Variants in KLC1 observed in about 807,000 individuals in gnomAD.
KLC1 encodes kinesin light chain 1.
A neutral mutation model predicts 84.2 loss-of-function variants in KLC1; 30 were observed. The observed-to-expected ratio is 0.36, with a 90% CI of 0.27 to 0.48. The LOEUF (loss-of-function observed/expected upper bound fraction) is 0.48, where lower values mean the gene tolerates loss of function less well. KLC1 is among the 20% of genes least tolerant of loss of function. The pLI is 0.99. For missense variants in KLC1, 499 were observed against 805.4 expected, an observed-to-expected ratio of 0.62 and a Z score of 4.60; for synonymous variants, 289 against 293.3, an observed-to-expected ratio of 0.99 and a Z score of 0.15.
intron 9 of KLC1, among the ~76,000 whole-genome samples, chr14:103,673,675 G>T (rs1224526500): frequency 2.0e-5 from 3 of 152,174 alleles, no homozygotes; most frequent in Admixed American, 2.0e-4. Context: ...TGTAATTCCA[G>T]CACTTTGGGA....
chr14:103,637,821 CT>C (rs1314812317), intron 1 of KLC1, among the ~76,000 whole-genome samples: 1 of 152,154 alleles, frequency 6.6e-6, no homozygotes, highest in African/African-American at 2.4e-5. Context: ...ACCTCAGCCC[CT>C]GAAGTAGCTG....
chr14:103,653,147 T>G (rs781266709), intron 1 of KLC1, among the ~76,000 whole-genome samples: 10 of 152,226 alleles, frequency 6.6e-5, no homozygotes, highest in East Asian at 1.9e-4. Flanking sequence ...TTTCTTTTTT[T>G]GGGAATTTTT....
chr14:103,697,041 CCT>C lies in KLC1; in HGVS notation c.1849-3611_1849-3610del, dbSNP rs758542032. The stretch of plus-strand genomic sequence containing the variant: ...AGGCGTGTTTTCTCTGTTAAATGTA[CCT>C]CTGTCTTTAAGCTGTCTCATTTTCT... On this transcript the variant is annotated intron_variant, in intron 15 of 16. Coordinates refer to ENST00000334553, the MANE Select transcript of KLC1 (RefSeq NM_001394837.1). 22 of 985,452 alleles carry C rather than the reference CCT, an allele frequency of 2.2e-5. No individual in the cohort carries two copies. In the South Asian group the frequency reaches 4.7e-4, roughly 21 times the overall value. The allele number at this position is 985,452 out of a possible 1,614,324, so 61.0% of individuals were successfully genotyped here.
chr14:103,692,239 C>A, intron 14 of KLC1, 120 bp from the exon 15 acceptor site: 1 of 846,668 alleles, frequency 1.2e-6, no homozygotes, highest in South Asian at 1.6e-5. Flanking sequence ...AAGATGAAGG[C>A]AAGGTCCCTA....
chr14:103,698,388 G>A (rs2082754982), intron 15 of KLC1: 1 of 288,584 alleles, frequency 3.5e-6, no homozygotes, highest in South Asian at 3.3e-5. Flanking sequence ...ACGGTCCCAA[G>A]GCTGAGGGGG....
Position 103,693,466 on chromosome 14 carries a change from T to A in KLC1, c.1848+1041T>A. ...GCCAACCTAGATTTAGCTGTGCAGC[T>A]GGTACTGTTAGGCCTGAGGCCATTT... On this transcript the variant is annotated intron_variant, in intron 15 of 16. Transcript: ENST00000334553. This position sits in a 1 kb window ranked among gnomAD's most constrained non-coding sequence, Gnocchi z 5.1. The A allele has an allele frequency of 6.6e-7, 1 of 1,526,478 alleles. No homozygotes were observed. Among genetic ancestry groups the A allele is most frequent in the Non-Finnish European group, 8.8e-7 (1 of 1,141,576 alleles). The allele number at this position is 1,526,478 out of a possible 1,614,324, so 94.6% of individuals were successfully genotyped here.
chr14:103,681,147 G>T (rs960195092), intron 13 of KLC1, among the ~76,000 whole-genome samples: 1 of 152,182 alleles, frequency 6.6e-6, no homozygotes, highest in African/African-American at 2.4e-5. Context: ...TGTGCAGGCT[G>T]TGTATCTGGT....
At chr14:103,636,589 T>C (rs1250265169) in intron 1 of KLC1, among the ~76,000 whole-genome samples, 2 of 152,124 alleles carry the variant, frequency 1.3e-5, no homozygotes, top group Non-Finnish European at 2.9e-5. Flanking sequence ...AATGTGCATT[T>C]CACTGATGAC....
Position 103,687,156 on chromosome 14 carries a change from C to A in KLC1, c.1726C>A (p.Leu576Met), listed in dbSNP as rs1412346742. 1 of 1,549,150 alleles carries A rather than the reference C, an allele frequency of 6.5e-7. No homozygotes were observed. Among genetic ancestry groups the A allele is most frequent in the Non-Finnish European group, 8.7e-7 (1 of 1,145,256 alleles). ...RASIRRSSEK[L>M]VRKLKGGSSR... is the part of the protein sequence containing the mutation. Reference sequence around the variant, plus strand: ...TTCCATTAGACGCAGCAGTGAGAAGCTGGTTAGGAAGCTGAAGGGAGGAAG... The same window carrying A: ...TTCCATTAGACGCAGCAGTGAGAAGATGGTTAGGAAGCTGAAGGGAGGAAG... The change falls in exon 14 of 17, where the codon CTG becomes ATG. Residue 576 changes from leucine to methionine, a missense_variant. Leu to Met is a conservative substitution (Grantham distance 15, BLOSUM62 2). Transcript: ENST00000334553.
intron 1 of KLC1, among the ~76,000 whole-genome samples, chr14:103,640,991 C>A (rs576376462): frequency 6.6e-6 from 1 of 151,818 alleles, no homozygotes; most frequent in African/African-American, 2.4e-5. Context: ...GCAGTGGCTC[C>A]ATGGCTCACT....
intron 5 of KLC1, among the ~76,000 whole-genome samples, chr14:103,663,905 A>G (rs1231585110): frequency 1.3e-5 from 2 of 152,212 alleles, no homozygotes; most frequent in African/African-American, 2.4e-5. Context: ...ATGCGGTGAT[A>G]TGACTACCCA....
intron 1 of KLC1, among the ~76,000 whole-genome samples, chr14:103,649,695 T>C (rs995704729): frequency 2.0e-4 from 30 of 151,152 alleles, no homozygotes; most frequent in African/African-American, 5.8e-4. Flanking sequence ...GGGCTTCTTA[T>C]GTGTTTTTTT....
At chr14:103,667,639 A>G (rs1373132583) in intron 5 of KLC1, among the ~76,000 whole-genome samples, 1 of 152,188 alleles carries the variant, frequency 6.6e-6, no homozygotes, top group Non-Finnish European at 1.5e-5. Flanking sequence ...CCTGGCCACT[A>G]CTTTTTGGAA....
At chr14:103,677,267 A>G (rs936304160) in intron 11 of KLC1, 148 bp from the exon 12 acceptor site, 22 of 629,132 alleles carry the variant, frequency 3.5e-5, no homozygotes, top group Non-Finnish European at 5.1e-5. Flanking sequence ...ACGCTTTACA[A>G]TTTTACAGTT....
intron 9 of KLC1, among the ~76,000 whole-genome samples, chr14:103,674,693 G>A (rs371353178): frequency 5.3e-5 from 8 of 152,172 alleles, no homozygotes; most frequent in East Asian, 1.9e-4. Flanking sequence ...GGGATTACAG[G>A]TGTGAGCCAC....
chr14:103,637,667 T>G (rs887271168), intron 1 of KLC1, among the ~76,000 whole-genome samples: 1 of 152,186 alleles, frequency 6.6e-6, no homozygotes, highest in Admixed American at 6.6e-5. Flanking sequence ...TGCATTTGTT[T>G]TGTCTGGTTG....
At position 103,693,696 on chromosome 14, in the gene KLC1, G is replaced by A; in HGVS notation, c.1848+1271G>A. Reference sequence around the variant, plus strand: ...GCCACGCCCCTCACCGCCCTGCCCGGAGGCGCCAGCCGCACTCCTTGGCTT... The same window carrying A: ...GCCACGCCCCTCACCGCCCTGCCCGAAGGCGCCAGCCGCACTCCTTGGCTT... On this transcript the variant is annotated intron_variant, in intron 15 of 16. Transcript: ENST00000334553. The surrounding 1 kb of genome is among the most constrained non-coding windows in gnomAD (Gnocchi z 5.1). The A allele has an allele frequency of 6.6e-7, 1 of 1,509,664 alleles. No homozygotes were observed. The highest frequency in any genetic ancestry group is 8.8e-7 in the Non-Finnish European group (1 of 1,132,214). 93.5% of individuals were successfully genotyped at this position (1,509,664 alleles called of 1,614,324 possible). A position where few individuals can be genotyped will look rare whatever the true frequency, so the allele number is the denominator to read the frequency against.
rs3742463 is a variant in KLC1 at position 103,629,432 on chromosome 14, G to T, written c.-64G>T. 89,149 of 151,980 alleles carry T rather than the reference G, an allele frequency of 0.59. 27,694 individuals carry two copies. The highest frequency in any genetic ancestry group is 0.71 in the Non-Finnish European group (48,105 of 67,952). 9.4% of individuals were successfully genotyped at this position (151,980 alleles called of 1,614,324 possible). A position where few individuals can be genotyped will look rare whatever the true frequency, so the allele number is the denominator to read the frequency against. On this transcript the variant is annotated 5_prime_UTR_variant, in exon 1 of 17. Coordinates refer to ENST00000334553, the MANE Select transcript of KLC1 (RefSeq NM_001394837.1). ...TCGGCGCACAGTCGCTGCTCCGCGC[G>T]CGCGCCCGGCGGCGCTCCAGGTGCT...
intron 13 of KLC1, chr14:103,684,654 G>T: frequency 4.0e-6 from 1 of 249,568 alleles, no homozygotes; most frequent in Admixed American, 4.7e-5. Flanking sequence ...TTGCCCAGCT[G>T]TCAGCTGTCA....
Sources: gnomAD v4.1 joint callset for allele counts (sites outside exome capture counted in the v4.1 genomes callset) on GRCh38, gnomAD v4.1.1 for gene constraint, Gnocchi (gnomAD v3.1) non-coding constraint, MANE v1.5 for transcripts, NCBI Gene and HGNC (gene_info 2026-07-23, HGNC 2026-07-21) for gene names.